The following FLACC1 variants were observed in gnomAD, a reference collection of about 807,000 sequenced individuals.
FLACC1 encodes flagellum associated containing coiled-coil domains 1.
In FLACC1, 66 loss-of-function variants were observed where a neutral mutation model predicts 62.8. The ratio of observed to expected loss-of-function variants is 1.05; its 90% CI spans 0.86 to 1.29. The LOEUF is 1.29. Ranked by LOEUF, FLACC1 falls within the 50% of genes most tolerant of loss-of-function variation. The pLI is 0.00. For missense variants in FLACC1, 452 were observed against 489.1 expected, an observed-to-expected ratio of 0.92 and a Z score of 0.71; for synonymous variants, 156 against 161.0, an observed-to-expected ratio of 0.97 and a Z score of 0.24.
intron 11 of FLACC1, among the ~76,000 whole-genome samples, chr2:201,305,865 G>A (rs572980783): frequency 7.7e-4 from 116 of 151,008 alleles, no homozygotes; most frequent in Admixed American, 1.1e-3. Context: ...GTTCTCATTC[G>A]TAGGTAGGAA....
intron 7 of FLACC1, among the ~76,000 whole-genome samples, chr2:201,331,171 G>C (rs1950587503): frequency 6.6e-6 from 1 of 151,780 alleles, no homozygotes; most frequent in African/African-American, 2.4e-5. Flanking sequence ...GTCTTGCTAT[G>C]GTGTCCAGGC....
intron 12 of FLACC1, among the ~76,000 whole-genome samples, chr2:201,298,961 C>A (rs963833030): frequency 1.3e-5 from 2 of 152,170 alleles, no homozygotes; most frequent in African/African-American, 4.8e-5. Flanking sequence ...GTGGTTTGAA[C>A]CTTGCTAGAA....
At position 201,326,576 on chromosome 2, in the gene FLACC1, CA is replaced by C. The variant is rs1950504583; in HGVS notation, c.675+3893del. ...AACTGATACCCTTTTACAACAGCTA[CA>C]AAAAAATAAAATACTTAGGAATGTA... On this transcript the variant is annotated intron_variant, in intron 9 of 14. Coordinates refer to ENST00000392257, the MANE Select transcript of FLACC1 (RefSeq NM_001127391.3). This position sits in a 1 kb window ranked among gnomAD's most constrained non-coding sequence, Gnocchi z 4.1. Among the ~76,000 whole-genome samples the C allele has an allele frequency of 6.6e-6, 1 of 151,844 alleles. No homozygotes were observed. The highest frequency in any genetic ancestry group is 2.4e-5 in the African/African-American group (1 of 41,342).
chr2:201,320,743 G>A (rs924570213), intron 9 of FLACC1, among the ~76,000 whole-genome samples: 3 of 152,166 alleles, frequency 2.0e-5, no homozygotes, highest in South Asian at 2.1e-4. Context: ...GCTTTGCCCC[G>A]TCACCTGCCC....
In FLACC1 at chr2:201,332,539, C is replaced by T. The variant is rs890953729; in HGVS notation, c.525-1706G>A. On this transcript the variant is annotated intron_variant, in intron 7 of 14. Transcript: ENST00000392257. Reference sequence around the variant, plus strand: ...CTGAGATTACAGGCGTGAGCCACTGCGCCCAGCCTAAAAGTTTTTTCAGTG... The same window carrying T: ...CTGAGATTACAGGCGTGAGCCACTGTGCCCAGCCTAAAAGTTTTTTCAGTG... Among the ~76,000 whole-genome samples, 7 of 152,142 alleles carry T rather than the reference C, an allele frequency of 4.6e-5. No individual in the cohort carries two copies. The East Asian group carries it at 7.7e-4, about 17-fold the overall frequency.
At chr2:201,330,969 A>AT in intron 7 of FLACC1, 136 bp from the exon 8 acceptor site, 1 of 584,326 alleles carries the variant, frequency 1.7e-6, no homozygotes. Context: ...AAATTTTTAA[A>AT]TCTTTTTTTT....
In FLACC1 at chr2:201,288,613, T is replaced by C. The variant is rs1321310765; in HGVS notation, c.*42A>G. 1 of 1,600,520 alleles carries C rather than the reference T, an allele frequency of 6.2e-7. No homozygotes were observed. The highest frequency in any genetic ancestry group is 8.5e-7 in the Non-Finnish European group (1 of 1,172,248). On this transcript the variant is annotated 3_prime_UTR_variant, in exon 15 of 15. Coordinates refer to ENST00000392257, the MANE Select transcript of FLACC1 (RefSeq NM_001127391.3). The stretch of plus-strand genomic sequence containing the variant: ...CAGGAGTTTCCTGGGCCTACAGAAA[T>C]GGTGTGCCAACCATCTTCAACAATG...
chr2:201,305,448 G>A (rs543410443), intron 11 of FLACC1, among the ~76,000 whole-genome samples: 2 of 152,298 alleles, frequency 1.3e-5, no homozygotes, highest in South Asian at 4.1e-4. Flanking sequence ...GTGCTGGAGA[G>A]GATGTGGAGA....
In FLACC1 at chr2:201,309,138, T is replaced by C; in HGVS notation, c.775+13A>G. On this transcript the variant is annotated intron_variant, in intron 10 of 14. Transcript: ENST00000392257. ...GCACTTGTCATCAAAAAAGCTAGAG[T>C]TTCTGTACTCACTTTGCTGTAGCAG... 6.2e-7 allele frequency: 1 copy of C among 1,606,038 alleles called. No individual in the cohort carries two copies. The highest frequency in any genetic ancestry group is 8.5e-7 in the Non-Finnish European group (1 of 1,172,864).
At chr2:201,309,347 A>G in intron 9 of FLACC1, 97 bp from the exon 10 acceptor site, 1 of 877,898 alleles carries the variant, frequency 1.1e-6, no homozygotes, top group Non-Finnish European at 1.9e-6. Flanking sequence ...TCCTCTTGGC[A>G]TTGCACAGTG....
chr2:201,343,403 G>C (rs757892022), intron 6 of FLACC1, among the ~76,000 whole-genome samples: 2 of 152,296 alleles, frequency 1.3e-5, no homozygotes, highest in Non-Finnish European at 2.9e-5. Flanking sequence ...AGTGTTTTCA[G>C]ATAAATAAGG....
At chr2:201,297,800 C>A (rs1484373247) in intron 12 of FLACC1, among the ~76,000 whole-genome samples, 1 of 152,168 alleles carries the variant, frequency 6.6e-6, no homozygotes, top group East Asian at 1.9e-4. Context: ...TCCTCAAAAA[C>A]CTCCAGTGGC....
chr2:201,305,726 C>T (rs1950088836), intron 11 of FLACC1, among the ~76,000 whole-genome samples: 1 of 152,152 alleles, frequency 6.6e-6, no homozygotes, highest in Non-Finnish European at 1.5e-5. Flanking sequence ...AAATGTGGCA[C>T]ATATACACCA....
intron 9 of FLACC1, among the ~76,000 whole-genome samples, chr2:201,329,735 T>C (rs1317252165): frequency 2.0e-5 from 3 of 152,072 alleles, no homozygotes; most frequent in East Asian, 1.9e-4. Flanking sequence ...CTGGGGGCTA[T>C]TGGGAGAGAG....
chr2:201,305,070 A>T (rs1010662747), intron 11 of FLACC1, among the ~76,000 whole-genome samples: 5 of 152,254 alleles, frequency 3.3e-5, no homozygotes, highest in Admixed American at 6.5e-5. Context: ...AACAAAAGCC[A>T]AAATTGACAA....
chr2:201,302,567 T>A (rs965802752), intron 11 of FLACC1, among the ~76,000 whole-genome samples: 9 of 152,206 alleles, frequency 5.9e-5, no homozygotes, highest in African/African-American at 2.2e-4. Flanking sequence ...AACTCAGCTC[T>A]GCACCAAGTG....
At chr2:201,300,946 A>C (rs1447306276) in intron 11 of FLACC1, among the ~76,000 whole-genome samples, 1 of 152,108 alleles carries the variant, frequency 6.6e-6, no homozygotes, top group Non-Finnish European at 1.5e-5. Context: ...CAAACACCAA[A>C]GGTAGATAAA....
chr2:201,329,983 G>A (rs1022742395), intron 9 of FLACC1, among the ~76,000 whole-genome samples: 1 of 152,084 alleles, frequency 6.6e-6, no homozygotes, highest in South Asian at 2.1e-4. Context: ...CAACTCAAAT[G>A]CCCAATAATA....
intron 1 of FLACC1, among the ~76,000 whole-genome samples, chr2:201,354,201 G>A (rs973307872): frequency 6.6e-6 from 1 of 152,174 alleles, no homozygotes; most frequent in Non-Finnish European, 1.5e-5. Context: ...TCACTCACTT[G>A]TAACTGCTGC....
Sources: gnomAD v4.1 joint callset for allele counts (sites outside exome capture counted in the v4.1 genomes callset) on GRCh38, gnomAD v4.1.1 for gene constraint, Gnocchi (gnomAD v3.1) non-coding constraint, MANE v1.5 for transcripts, NCBI Gene and HGNC (gene_info 2026-07-23, HGNC 2026-07-21) for gene names.